The following THSD7B variants were observed in gnomAD, a reference collection of about 807,000 sequenced individuals.
The protein encoded by THSD7B is thrombospondin type 1 domain containing 7B, also known as thrombospondin type-1 domain-containing protein 7B.
THSD7B carries 138 observed loss-of-function variants against 213.6 expected under a neutral mutation model. That is an observed-to-expected ratio of 0.65 (90% CI 0.56 to 0.74). The LOEUF is 0.74. Among genes scored for constraint, THSD7B ranks in the 30% least tolerant of loss-of-function variants. The pLI is 0.00. For synonymous variants in THSD7B, 742 were observed against 687.0 expected (o/e 1.08, Z -1.25); for missense variants, 1,931 against 1,991.5 (o/e 0.97, Z 0.58).
intron 10 of THSD7B, among the ~76,000 whole-genome samples, chr2:137,255,178 A>C (rs1682277322): frequency 6.6e-6 from 1 of 152,166 alleles, no homozygotes; most frequent in Non-Finnish European, 1.5e-5. Context: ...AACAACTGAA[A>C]GTTAATCAAA....
At chr2:137,419,964 T>C (rs1686888032) in intron 14 of THSD7B, among the ~76,000 whole-genome samples, 1 of 152,178 alleles carries the variant, frequency 6.6e-6, no homozygotes, top group Non-Finnish European at 1.5e-5. Context: ...ATATACTCAG[T>C]ACTGGAATTG....
chr2:137,354,542 A>G (rs1685086898), intron 12 of THSD7B, among the ~76,000 whole-genome samples: 1 of 152,090 alleles, frequency 6.6e-6, no homozygotes, highest in Non-Finnish European at 1.5e-5. Context: ...TCTTTCTTTT[A>G]TAGATGTCCA....
At chr2:137,299,101 T>C (rs969532821) in intron 12 of THSD7B, among the ~76,000 whole-genome samples, 1 of 152,158 alleles carries the variant, frequency 6.6e-6, no homozygotes, top group Non-Finnish European at 1.5e-5. Context: ...GGGATGGAGC[T>C]GCCCAAGACC....
chr2:136,939,582 C>G (rs1343834216), intron 2 of THSD7B, among the ~76,000 whole-genome samples: 2 of 152,152 alleles, frequency 1.3e-5, no homozygotes, highest in African/African-American at 4.8e-5. Context: ...CCAGAACTAT[C>G]CCCTGAGCCT....
chr2:137,656,041 G>A (rs1196203929), intron 22 of THSD7B, among the ~76,000 whole-genome samples: 1 of 152,024 alleles, frequency 6.6e-6, no homozygotes, highest in African/African-American at 2.4e-5. Flanking sequence ...CTGAATTCTG[G>A]GTGATGGCAT....
intron 1 of THSD7B, among the ~76,000 whole-genome samples, chr2:136,852,617 A>G (rs1259336467): frequency 2.0e-5 from 3 of 152,218 alleles, no homozygotes; most frequent in Admixed American, 6.5e-5. Context: ...TGGTAGCAAT[A>G]TAAAACTAAT....
At chr2:137,070,796 C>T (rs557712184) in intron 3 of THSD7B, among the ~76,000 whole-genome samples, 5 of 151,698 alleles carry the variant, frequency 3.3e-5, no homozygotes, top group African/African-American at 4.8e-5. Context: ...CCCACCTATG[C>T]GTGAGAACAT....
intron 10 of THSD7B, among the ~76,000 whole-genome samples, chr2:137,261,793 A>G (rs919791355): frequency 1.3e-5 from 2 of 152,132 alleles, no homozygotes; most frequent in African/African-American, 4.8e-5. Flanking sequence ...AACCACCTCC[A>G]AAACAAAAAT....
intron 12 of THSD7B, among the ~76,000 whole-genome samples, chr2:137,393,552 G>T (rs1225016658): frequency 6.7e-6 from 1 of 148,450 alleles, no homozygotes; most frequent in African/African-American, 2.5e-5. Context: ...TCTTAATCCA[G>T]TCTATCATTG....
At chr2:137,181,735 C>A (rs932844597) in intron 7 of THSD7B, among the ~76,000 whole-genome samples, 1 of 152,062 alleles carries the variant, frequency 6.6e-6, no homozygotes, top group Non-Finnish European at 1.5e-5. Context: ...GCATCTCTGG[C>A]ACTCCCCCAT....
At chr2:137,335,955 T>G (rs1684629302) in intron 12 of THSD7B, among the ~76,000 whole-genome samples, 1 of 152,170 alleles carries the variant, frequency 6.6e-6, no homozygotes, top group Admixed American at 6.5e-5. Context: ...TTTTCTTGGG[T>G]ATTCTTTCTG....
At chr2:137,528,654 C>A (rs921838687) in intron 15 of THSD7B, among the ~76,000 whole-genome samples, 2 of 152,010 alleles carry the variant, frequency 1.3e-5, no homozygotes, top group African/African-American at 4.8e-5. Flanking sequence ...CCATCCCACA[C>A]TGCCTTTTCA....
intron 1 of THSD7B, among the ~76,000 whole-genome samples, chr2:136,809,813 C>A (rs1311799407): frequency 6.6e-6 from 1 of 152,104 alleles, no homozygotes; most frequent in Admixed American, 6.6e-5. Flanking sequence ...GATTCTGGAG[C>A]TTGGACTTGG....
At chr2:137,286,616 G>A (rs1683188796) in intron 12 of THSD7B, among the ~76,000 whole-genome samples, 1 of 151,492 alleles carries the variant, frequency 6.6e-6, no homozygotes, top group Non-Finnish European at 1.5e-5. Context: ...CATTCAGAAA[G>A]CAAAGCACAT....
intron 12 of THSD7B, among the ~76,000 whole-genome samples, chr2:137,343,057 A>T (rs977068264): frequency 1.3e-5 from 2 of 150,714 alleles, no homozygotes; most frequent in Non-Finnish European, 3.0e-5. Flanking sequence ...AAGAATTTCG[A>T]AGTATTCCCT....
chr2:137,261,892 A>G (rs561508990), intron 10 of THSD7B, among the ~76,000 whole-genome samples: 2 of 150,064 alleles, frequency 1.3e-5, no homozygotes, highest in South Asian at 4.3e-4. Flanking sequence ...CCCATCATGG[A>G]AAGGACATTG....
chr2:137,238,570 G>A (rs113910087), intron 9 of THSD7B, among the ~76,000 whole-genome samples: 3 of 86,682 alleles, frequency 3.5e-5, no homozygotes, highest in Admixed American at 3.0e-4. Context: ...TTTTTGAGAC[G>A]GAGTCTCGCT....
chr2:137,174,228 A>G (rs1260390536), intron 7 of THSD7B, among the ~76,000 whole-genome samples: 3 of 152,138 alleles, frequency 2.0e-5, no homozygotes, highest in African/African-American at 7.2e-5. Context: ...GGAACATTCA[A>G]CATCCCTGCC....
chr2:136,922,969 A>G (rs1411054702), intron 2 of THSD7B, among the ~76,000 whole-genome samples: 1 of 152,136 alleles, frequency 6.6e-6, no homozygotes, highest in Non-Finnish European at 1.5e-5. Flanking sequence ...ATTGTGGCAA[A>G]AGGTATCATT....
Sources: gnomAD v4.1 joint callset for allele counts (sites outside exome capture counted in the v4.1 genomes callset) on GRCh38, gnomAD v4.1.1 for gene constraint, MANE v1.5 for transcripts, NCBI Gene and HGNC (gene_info 2026-07-23, HGNC 2026-07-21) for gene names.